Variants in MGAT5B observed in about 807,000 individuals in gnomAD.
MGAT5B encodes alpha-1,6-mannosylglycoprotein 6-beta-N-acetylglucosaminyltransferase B, also known as N-acetylglucosaminyl-transferase Vb.
MGAT5B carries 54 observed loss-of-function variants against 95.1 expected under a neutral mutation model. The observed-to-expected ratio is 0.57, with a 90% CI of 0.46 to 0.71. The LOEUF (loss-of-function observed/expected upper bound fraction) is 0.71. Ranked by LOEUF, MGAT5B falls within the 30% of genes least tolerant of loss-of-function variation. MGAT5B has a pLI of 0.00. For missense variants in MGAT5B, 935 were observed against 1,088.6 expected, an observed-to-expected ratio of 0.86 and a Z score of 1.99; for synonymous variants, 464 against 451.0, an observed-to-expected ratio of 1.03 and a Z score of -0.36.
chr17:76,886,234 G>C (rs1308312714), intron 3 of MGAT5B, among the ~76,000 whole-genome samples: 3 of 152,222 alleles, frequency 2.0e-5, no homozygotes, highest in Non-Finnish European at 4.4e-5. Context: ...AGTGTGTGCA[G>C]AGTCTGGGCT....
intron 9 of MGAT5B, among the ~76,000 whole-genome samples, chr17:76,925,720 C>T (rs547485885): frequency 6.6e-6 from 1 of 152,336 alleles, no homozygotes; most frequent in East Asian, 1.9e-4. Flanking sequence ...TCTCTCCTCC[C>T]ACCCCGGGCC....
At chr17:76,948,575 C>A in intron 17 of MGAT5B, 65 bp from the exon 18 acceptor site, 1 of 1,476,732 alleles carries the variant, frequency 6.8e-7, no homozygotes, top group Non-Finnish European at 9.3e-7. Flanking sequence ...GCAGCCCCTA[C>A]CCCGCCCCAG....
In MGAT5B at chr17:76,909,189, C is replaced by T. The variant is rs747666190; in HGVS notation, c.1025+3002C>T. ...ATGTTGCCCAGGCTGGTCTCAAACTCGTGGGCTCAAGTCATCTGCCTGCCT... is the reference window on the plus strand; with the variant it reads ...ATGTTGCCCAGGCTGGTCTCAAACTTGTGGGCTCAAGTCATCTGCCTGCCT... On this transcript the variant is annotated intron_variant, in intron 8 of 17. Transcript: ENST00000569840. Among the ~76,000 whole-genome samples the T allele has an allele frequency of 5.9e-5, 9 of 152,134 alleles. No homozygotes were observed. In the East Asian group the frequency reaches 9.6e-4, roughly 16 times the overall value.
At chr17:76,891,313 C>T (rs1163638301) in intron 3 of MGAT5B, among the ~76,000 whole-genome samples, 3 of 152,000 alleles carry the variant, frequency 2.0e-5, no homozygotes, top group Non-Finnish European at 4.4e-5. Context: ...GCTCCACCCT[C>T]ATGACCTAAT....
chr17:76,876,302 C>T lies in MGAT5B; in HGVS notation c.181+3339C>T, dbSNP rs558500333. Among the ~76,000 whole-genome samples, 42 of 152,130 alleles carry T rather than the reference C, an allele frequency of 2.8e-4. 1 individual carries two copies. The highest frequency in any genetic ancestry group is 9.9e-4 in the African/African-American group (41 of 41,518). On this transcript the variant is annotated intron_variant, in intron 2 of 17. Coordinates refer to ENST00000569840, the MANE Select transcript of MGAT5B (RefSeq NM_001199172.2). ...TCACGGGGAGGTGCTTGGCAAATTG[C>T]TTGGCTGAATCAGGCCTGGGGAGGG...
At position 76,906,758 on chromosome 17, in the gene MGAT5B, A is replaced by T. The variant is rs1394233104; in HGVS notation, c.1025+571A>T. Among the ~76,000 whole-genome samples the T allele has an allele frequency of 6.6e-6, 1 of 151,784 alleles. No individual in the cohort carries two copies. Among genetic ancestry groups the T allele is most frequent in the African/African-American group, 2.4e-5 (1 of 41,274 alleles). On this transcript the variant is annotated intron_variant, in intron 8 of 17. Coordinates refer to ENST00000569840, the MANE Select transcript of MGAT5B (RefSeq NM_001199172.2). This position sits in a 1 kb window ranked among gnomAD's most constrained non-coding sequence, Gnocchi z 4.6. ...TGGGGGTGAGGCTGAGAGTGTGGGG[A>T]TGTCAAGGGGGTAAGAGTGTGTGAT... is the stretch of plus-strand genomic sequence containing the variant.
In MGAT5B at chr17:76,869,785, A is replaced by C. The variant is rs1176488444; in HGVS notation, c.68+688A>C. Among the ~76,000 whole-genome samples the C allele has an allele frequency of 6.6e-6, 1 of 152,030 alleles. No homozygotes were observed. Among genetic ancestry groups the C allele is most frequent in the Non-Finnish European group, 1.5e-5 (1 of 67,970 alleles). ...GGAGCGTGGTGGGCGGGCGGTGGCG[A>C]AGGCGACACGCTTCGGGCGGCCAAC... On this transcript the variant is annotated intron_variant, in intron 1 of 17. Transcript: ENST00000569840. This position sits in a 1 kb window ranked among gnomAD's most constrained non-coding sequence, Gnocchi z 7.0.
intron 2 of MGAT5B, among the ~76,000 whole-genome samples, chr17:76,880,471 G>A (rs776963411): frequency 2.6e-5 from 4 of 152,190 alleles, no homozygotes; most frequent in Admixed American, 6.5e-5. Context: ...AAGCAGAGGT[G>A]TGAGAGCAGC....
chr17:76,886,382 G>T (rs538644438), intron 3 of MGAT5B, among the ~76,000 whole-genome samples: 2 of 152,232 alleles, frequency 1.3e-5, no homozygotes, highest in Non-Finnish European at 1.5e-5. Flanking sequence ...GGTTCTTCAC[G>T]TGTGTGTTAG....
intron 8 of MGAT5B, chr17:76,924,386 T>G (rs1458979155): frequency 6.6e-6 from 1 of 152,656 alleles, no homozygotes; most frequent in African/African-American, 2.4e-5. Flanking sequence ...GAGGCAACCT[T>G]GTCCCAGATG....
chr17:76,916,380 G>A lies in MGAT5B; in HGVS notation c.1026-8586G>A, dbSNP rs1251847968. Reference sequence around the variant, plus strand: ...AGGCCGTGCCGTGTCGCCTTTCCCAGCTCTGGCCTGGCCTGTGTTGGGGAG... The same window carrying A: ...AGGCCGTGCCGTGTCGCCTTTCCCAACTCTGGCCTGGCCTGTGTTGGGGAG... On this transcript the variant is annotated intron_variant, in intron 8 of 17. Transcript: ENST00000569840. This position sits in a 1 kb window ranked among gnomAD's most constrained non-coding sequence, Gnocchi z 5.3. Among the ~76,000 whole-genome samples, 1 of 152,238 alleles carries A rather than the reference G, an allele frequency of 6.6e-6. No individual in the cohort carries two copies. Among genetic ancestry groups the A allele is most frequent in the East Asian group, 1.9e-4 (1 of 5,190 alleles).
In MGAT5B at chr17:76,930,827, C is replaced by A. The variant is rs2145252237; in HGVS notation, c.1292-1818C>A. On this transcript the variant is annotated intron_variant, in intron 10 of 17. Coordinates refer to ENST00000569840, the MANE Select transcript of MGAT5B (RefSeq NM_001199172.2). This position sits in a 1 kb window ranked among gnomAD's most constrained non-coding sequence, Gnocchi z 4.1. ...GCCACAAAGGGAGGCACAGTCCACC[C>A]AAGAGAAGGCTTCCAGGAGGAGGTG... Among the ~76,000 whole-genome samples the A allele has an allele frequency of 6.6e-6, 1 of 152,260 alleles. No homozygotes were observed.
At chr17:76,920,326 G>T (rs1969087504) in intron 8 of MGAT5B, among the ~76,000 whole-genome samples, 1 of 152,114 alleles carries the variant, frequency 6.6e-6, no homozygotes, top group African/African-American at 2.4e-5. Flanking sequence ...GTGCAGAAAG[G>T]TCTGGACGGG....
chr17:76,873,627 G>A (rs1967081428), intron 2 of MGAT5B, among the ~76,000 whole-genome samples: 1 of 152,180 alleles, frequency 6.6e-6, no homozygotes, highest in African/African-American at 2.4e-5. Flanking sequence ...CATGGTTGGT[G>A]CCACATGGCA....
chr17:76,895,454 G>A (rs1968032433), intron 3 of MGAT5B, among the ~76,000 whole-genome samples: 1 of 152,126 alleles, frequency 6.6e-6, no homozygotes, highest in Admixed American at 6.6e-5. Flanking sequence ...GTGCTAAAAA[G>A]GTTGGGAACC....
At chr17:76,945,858 C>G (rs1183002693) in intron 15 of MGAT5B, among the ~76,000 whole-genome samples, 1 of 152,182 alleles carries the variant, frequency 6.6e-6, no homozygotes, top group African/African-American at 2.4e-5. Flanking sequence ...TCCCCACCCT[C>G]AAGGTGTCCA....
chr17:76,929,698 A>G (rs1315368779), intron 10 of MGAT5B, among the ~76,000 whole-genome samples: 1 of 152,234 alleles, frequency 6.6e-6, no homozygotes, highest in East Asian at 1.9e-4. Context: ...CACAGAGTCC[A>G]GGAAGGAAGT....
At chr17:76,935,040 T>C (rs1200540662) in intron 12 of MGAT5B, among the ~76,000 whole-genome samples, 1 of 152,174 alleles carries the variant, frequency 6.6e-6, no homozygotes, top group Non-Finnish European at 1.5e-5. Flanking sequence ...TGTCTTATTC[T>C]GCATTCCCCA....
At chr17:76,900,879 G>A (rs571588377) in intron 3 of MGAT5B, among the ~76,000 whole-genome samples, 32 of 151,280 alleles carry the variant, frequency 2.1e-4, no homozygotes, top group African/African-American at 7.5e-4. Flanking sequence ...GCATGTGTGC[G>A]TGTGTGTGCA....
Sources: gnomAD v4.1 joint callset for allele counts (sites outside exome capture counted in the v4.1 genomes callset) on GRCh38, gnomAD v4.1.1 for gene constraint, Gnocchi (gnomAD v3.1) non-coding constraint, MANE v1.5 for transcripts, NCBI Gene and HGNC (gene_info 2026-07-23, HGNC 2026-07-21) for gene names.